The following TMEM135 variants were observed in gnomAD, a reference collection of about 807,000 sequenced individuals.
TMEM135 encodes the protein transmembrane protein 135.
TMEM135 carries 30 observed loss-of-function variants against 60.3 expected under a neutral mutation model. The observed-to-expected ratio is 0.50, with a 90% CI of 0.37 to 0.68. The LOEUF is 0.68. TMEM135 is among the 30% of genes least tolerant of loss of function. TMEM135 has a pLI of 0.00. For synonymous variants in TMEM135, 190 were observed against 186.7 expected, an observed-to-expected ratio of 1.02 and a Z score of -0.14; for missense variants, 468 against 548.8, an observed-to-expected ratio of 0.85 and a Z score of 1.47.
At chr11:87,177,093 G>A (rs188323623) in intron 5 of TMEM135, among the ~76,000 whole-genome samples, 88 of 152,218 alleles carry the variant, frequency 5.8e-4, no homozygotes, top group Non-Finnish European at 1.1e-3. Context: ...ACAGTTGACC[G>A]TAAAATCTCT....
At chr11:87,118,448 C>CT (rs373753415) in intron 4 of TMEM135, among the ~76,000 whole-genome samples, 126 of 146,960 alleles carry the variant, frequency 8.6e-4, no homozygotes, top group South Asian at 1.3e-3. Context: ...CTTCCTGTAG[C>CT]TTTTTTTTTT....
chr11:87,066,021 G>T (rs1451926802), intron 1 of TMEM135, among the ~76,000 whole-genome samples: 1 of 152,154 alleles, frequency 6.6e-6, no homozygotes, highest in East Asian at 1.9e-4. Context: ...TATGAGAGTT[G>T]AATCGAAGTA....
chr11:87,063,773 G>C (rs921846776), intron 1 of TMEM135, among the ~76,000 whole-genome samples: 4 of 152,142 alleles, frequency 2.6e-5, no homozygotes, highest in African/African-American at 9.7e-5. Context: ...TCTGTGTCTT[G>C]TGTTAGATAT....
chr11:87,289,225 C>G (rs1420174107), intron 6 of TMEM135, among the ~76,000 whole-genome samples: 1 of 152,026 alleles, frequency 6.6e-6, no homozygotes, highest in Non-Finnish European at 1.5e-5. Context: ...TGTTTTAATA[C>G]ATATATAGTT....
intron 5 of TMEM135, among the ~76,000 whole-genome samples, chr11:87,233,106 G>A (rs1023540772): frequency 2.0e-5 from 3 of 152,078 alleles, no homozygotes; most frequent in African/African-American, 7.2e-5. Flanking sequence ...AGCCGAGATT[G>A]CACCACTGCA....
At chr11:87,052,694 G>A (rs201638501) in intron 1 of TMEM135, among the ~76,000 whole-genome samples, 356 of 94,242 alleles carry the variant, frequency 3.8e-3, no homozygotes, top group Middle Eastern at 5.4e-3. Flanking sequence ...GGAGAAATAG[G>A]AACACTTTTA....
chr11:87,201,588 G>A (rs1033486828), intron 5 of TMEM135, among the ~76,000 whole-genome samples: 5 of 152,140 alleles, frequency 3.3e-5, no homozygotes, highest in Admixed American at 6.5e-5. Flanking sequence ...TTTTTAAGAC[G>A]CCTGCTGGTT....
At chr11:87,107,851 T>C (rs1857638525) in intron 4 of TMEM135, among the ~76,000 whole-genome samples, 1 of 152,200 alleles carries the variant, frequency 6.6e-6, no homozygotes, top group Non-Finnish European at 1.5e-5. Context: ...TCTTCCACAA[T>C]GGTTGAACTA....
Position 87,062,502 on chromosome 11 carries a change from C to T in TMEM135, c.142-5192C>T, listed in dbSNP as rs1443772163. Among the ~76,000 whole-genome samples, 7 of 132,528 alleles carry T rather than the reference C, an allele frequency of 5.3e-5. No homozygotes were observed. In the East Asian group the frequency reaches 7.1e-4, roughly 13 times the overall value. The allele number at this position is 132,528 out of a possible 152,430, so 86.9% of individuals were successfully genotyped here. On this transcript the variant is annotated intron_variant, in intron 1 of 14. Coordinates refer to ENST00000305494, the MANE Select transcript of TMEM135 (RefSeq NM_022918.4). ...TTTTTGAGATGGAGTCTCACTCTGT[C>T]GCCCAGGTTGGAGTGCCATGGTGTG...
chr11:87,155,056 T>C (rs904091656), intron 4 of TMEM135, among the ~76,000 whole-genome samples: 2 of 152,230 alleles, frequency 1.3e-5, no homozygotes, highest in Non-Finnish European at 2.9e-5. Context: ...TGGAATGCAG[T>C]GGTGCGATCT....
intron 10 of TMEM135, among the ~76,000 whole-genome samples, chr11:87,311,778 G>A (rs984735937): frequency 6.6e-6 from 1 of 151,944 alleles, no homozygotes; most frequent in African/African-American, 2.4e-5. Flanking sequence ...GAGAAGAGCA[G>A]GCAAATAAAC....
intron 5 of TMEM135, among the ~76,000 whole-genome samples, chr11:87,216,221 T>C (rs756187382): frequency 5.3e-5 from 8 of 152,200 alleles, no homozygotes; most frequent in Non-Finnish European, 1.0e-4. Context: ...ACAGTCTTTT[T>C]GAAAATCCCT....
intron 3 of TMEM135, among the ~76,000 whole-genome samples, chr11:87,089,339 G>A (rs1470358893): frequency 6.6e-6 from 1 of 152,110 alleles, no homozygotes; most frequent in African/African-American, 2.4e-5. Context: ...ACTTGAACCA[G>A]CTTGGACAGC....
chr11:87,100,874 T>A (rs764692296), intron 4 of TMEM135, among the ~76,000 whole-genome samples: 3 of 151,884 alleles, frequency 2.0e-5, no homozygotes, highest in Non-Finnish European at 4.4e-5. Context: ...AAAAAAGAGC[T>A]TTAAGAAAAA....
At chr11:87,135,861 A>T (rs1217147932) in intron 4 of TMEM135, among the ~76,000 whole-genome samples, 1 of 151,988 alleles carries the variant, frequency 6.6e-6, no homozygotes, top group Non-Finnish European at 1.5e-5. Context: ...GAGTATTTTG[A>T]CCAATGAAAA....
At chr11:87,074,935 T>A (rs1387917114) in intron 3 of TMEM135, among the ~76,000 whole-genome samples, 2 of 152,134 alleles carry the variant, frequency 1.3e-5, no homozygotes, top group African/African-American at 4.8e-5. Context: ...TTTCTTTTCC[T>A]TTTTCTAAAA....
intron 14 of TMEM135, among the ~76,000 whole-genome samples, chr11:87,319,969 C>T (rs1312252874): frequency 6.6e-6 from 1 of 152,008 alleles, no homozygotes; most frequent in African/African-American, 2.4e-5. Flanking sequence ...AAGTTTTTTT[C>T]GGTCTACAAT....
intron 5 of TMEM135, among the ~76,000 whole-genome samples, chr11:87,214,745 C>G (rs1940459605): frequency 6.6e-6 from 1 of 152,088 alleles, no homozygotes; most frequent in African/African-American, 2.4e-5. Context: ...CTATGGTTGA[C>G]TTATGTAGAG....
intron 5 of TMEM135, among the ~76,000 whole-genome samples, chr11:87,159,256 A>G (rs1377212713): frequency 2.0e-5 from 3 of 152,160 alleles, no homozygotes; most frequent in Admixed American, 6.5e-5. Context: ...AGATGTACAT[A>G]TATTTCTTAC....
Sources: allele counts gnomAD v4.1 joint callset (sites outside exome capture counted in the v4.1 genomes callset), GRCh38; gene constraint gnomAD v4.1.1; transcripts MANE v1.5; gene names NCBI Gene and HGNC (gene_info 2026-07-23, HGNC 2026-07-21).